The following SSH2 variants were observed in gnomAD, a reference collection of about 807,000 sequenced individuals.
The protein encoded by SSH2 is slingshot protein phosphatase 2.
Under a neutral mutation model 135.2 loss-of-function variants are expected in SSH2, and 37 were observed. The ratio of observed to expected loss-of-function variants is 0.27; its 90% CI spans 0.21 to 0.36. The LOEUF is 0.36. Ranked by LOEUF, SSH2 falls within the 10% of genes least tolerant of loss-of-function variation. The pLI, the probability that SSH2 is intolerant of heterozygous loss-of-function variation, is 1.00. For missense variants in SSH2, 1,408 were observed against 1,765.3 expected (o/e 0.80, Z 3.63); for synonymous variants, 628 against 646.2 (o/e 0.97, Z 0.43).
intron 11 of SSH2, among the ~76,000 whole-genome samples, chr17:29,656,963 C>T (rs1457012281): frequency 6.6e-6 from 1 of 152,150 alleles, no homozygotes; most frequent in Non-Finnish European, 1.5e-5. Flanking sequence ...GTTGTCATGT[C>T]TCTATCCTCT....
chr17:29,632,545 G>C lies in SSH2; in HGVS notation c.2649C>G (p.His883Gln), dbSNP rs751132026. The change falls in exon 16 of 16, where the codon CAC becomes CAG. Residue 883 changes from histidine (H) to glutamine (Q), a missense_variant. His to Gln is a conservative substitution (Grantham distance 24). Around this residue, in one of 3 missense-constraint regions of SSH2, gnomAD observed 1,080 missense variants for 1,144.5 expected, o/e 0.94. Transcript: ENST00000540801. ...GEQELQGSGM[H>Q]PGAKWYPGSV... Reference sequence around the variant, plus strand: ...ACCCAGGGTACCACTTGGCACCTGGGTGCATCCCTGAGCCCTGGAGCTCTT... The same window carrying C: ...ACCCAGGGTACCACTTGGCACCTGGCTGCATCCCTGAGCCCTGGAGCTCTT... 50 of 1,614,188 alleles carry C rather than the reference G, an allele frequency of 3.1e-5. No homozygotes were observed. The East Asian group carries it at 1.1e-3, about 36-fold the overall frequency.
At chr17:29,828,585 A>T (rs1225494159) in intron 2 of SSH2, among the ~76,000 whole-genome samples, 1 of 152,224 alleles carries the variant, frequency 6.6e-6, no homozygotes, top group Non-Finnish European at 1.5e-5. Flanking sequence ...TTCCTTAGAA[A>T]ATATTAAATC....
rs1267509943 is a variant in SSH2 at position 29,812,161 on chromosome 17, C to CA, written c.145-18225_145-18224insT. ...CTGATACCTGGCCATAGTATGTGTT[C>CA]TTTTTTTTTTTTTTTTTAAGTCTTA... On this transcript the variant is annotated intron_variant, in intron 2 of 15. Coordinates refer to ENST00000540801, the MANE Select transcript of SSH2 (RefSeq NM_001282129.2). Among the ~76,000 whole-genome samples, 142 of 121,612 alleles carry CA rather than the reference C, an allele frequency of 1.2e-3. 1 individual carries two copies. The highest frequency in any genetic ancestry group is 4.7e-4 in the Non-Finnish European group (26 of 55,806). The allele number at this position is 121,612 out of a possible 152,430, so 79.8% of individuals were successfully genotyped here. A position where few individuals can be genotyped will look rare whatever the true frequency, so the allele number is the denominator to read the frequency against.
At chr17:29,694,240 C>T (rs574983960) in intron 5 of SSH2, among the ~76,000 whole-genome samples, 6 of 152,050 alleles carry the variant, frequency 3.9e-5, no homozygotes, top group Admixed American at 2.0e-4. Context: ...AAGTAAGCCA[C>T]GTGAATATTG....
intron 1 of SSH2, among the ~76,000 whole-genome samples, chr17:29,882,013 G>C (rs1250830622): frequency 6.6e-6 from 1 of 152,166 alleles, no homozygotes; most frequent in Non-Finnish European, 1.5e-5. Flanking sequence ...AGATGTACAG[G>C]AAGTCATTTG....
intron 3 of SSH2, among the ~76,000 whole-genome samples, chr17:29,744,864 T>TGTGTGTGA (rs754333797): frequency 4.4e-5 from 5 of 112,486 alleles, no homozygotes; most frequent in African/African-American, 1.8e-4. Context: ...TACTTGAGTG[T>TGTGTGTGA]GTGTGTGTGT....
At chr17:29,677,551 C>T (rs771894772) in intron 7 of SSH2, 122 bp downstream of exon 7, 1 of 783,332 alleles carries the variant, frequency 1.3e-6, no homozygotes, top group South Asian at 1.5e-5. Context: ...AGGACTCATT[C>T]AGCTGTTGAC....
chr17:29,745,365 G>GAACCACCAT (rs1363465055), intron 3 of SSH2, among the ~76,000 whole-genome samples: 1 of 151,980 alleles, frequency 6.6e-6, no homozygotes, highest in Non-Finnish European at 1.5e-5. Flanking sequence ...TCACCATGTT[G>GAACCACCAT]GCCAGGCTGG....
intron 11 of SSH2, among the ~76,000 whole-genome samples, chr17:29,657,390 C>T (rs905785216): frequency 2.6e-5 from 4 of 151,958 alleles, no homozygotes; most frequent in Non-Finnish European, 2.9e-5. Flanking sequence ...CTGCCTCAGC[C>T]ACCCGAGTAG....
At position 29,631,737 on chromosome 17, in the gene SSH2, A is replaced by G; in HGVS notation, c.3457T>C (p.Ser1153Pro). ...PFVSHTTHLL[S>P]ASLDYLHPQT... ...GGATGCAGGTAATCCAAACTGGCAG[A>G]CAGTAAATGGGTTGTATGACTGACA... Residue 1153 changes from serine (S) to proline (P), a missense_variant, in exon 16 of 16, where the codon TCT (serine) becomes CCT (proline). Ser to Pro is a moderately conservative substitution (Grantham distance 74, BLOSUM62 -1). This residue lies in a region of SSH2 where 1,080 missense variants were observed against 1,144.5 expected (regional missense o/e 0.94). Coordinates refer to ENST00000540801, the MANE Select transcript of SSH2 (RefSeq NM_001282129.2). 6.2e-7 allele frequency: 1 copy of G among 1,614,186 alleles called. No homozygotes were observed. The highest frequency in any genetic ancestry group is 8.5e-7 in the Non-Finnish European group (1 of 1,180,042).
Position 29,777,219 on chromosome 17 carries a change from C to CA in SSH2, c.188+16674dup, listed in dbSNP as rs34359278. ...AGAGTAAAAGAGCCAGACTCCATCTCAAAAAAAAAAAAAAAATTTTAAATT... is the reference window on the plus strand; with the variant it reads ...AGAGTAAAAGAGCCAGACTCCATCTCAAAAAAAAAAAAAAAAATTTTAAATT... On this transcript the variant is annotated intron_variant, in intron 3 of 15. Transcript: ENST00000540801. Among the ~76,000 whole-genome samples the CA allele has an allele frequency of 1.0e-2, 1,062 of 106,332 alleles. 7 individuals carry two copies. Among genetic ancestry groups the CA allele is most frequent in the African/African-American group, 0.028 (800 of 28,304 alleles). 69.8% of individuals were successfully genotyped at this position (106,332 alleles called of 152,430 possible). A position where few individuals can be genotyped will look rare whatever the true frequency, so the allele number is the denominator to read the frequency against.
intron 11 of SSH2, among the ~76,000 whole-genome samples, chr17:29,662,731 AG>A (rs2037101806): frequency 6.6e-6 from 1 of 152,180 alleles, no homozygotes; most frequent in Non-Finnish European, 1.5e-5. Flanking sequence ...TTCATCACCC[AG>A]GTATTAAGCC....
intron 4 of SSH2, among the ~76,000 whole-genome samples, chr17:29,695,811 G>A (rs891479362): frequency 3.3e-5 from 5 of 152,162 alleles, no homozygotes; most frequent in African/African-American, 1.2e-4. Flanking sequence ...GGATGTTCAT[G>A]AGAGACTTGT....
chr17:29,672,384 C>A (rs2037530304), intron 8 of SSH2, among the ~76,000 whole-genome samples: 1 of 152,040 alleles, frequency 6.6e-6, no homozygotes, highest in Non-Finnish European at 1.5e-5. Flanking sequence ...TGACAACTCA[C>A]CAGTGAAAAA....
At chr17:29,700,955 A>C (rs918680120) in intron 4 of SSH2, among the ~76,000 whole-genome samples, 1 of 150,148 alleles carries the variant, frequency 6.7e-6, no homozygotes, top group Non-Finnish European at 1.5e-5. Flanking sequence ...ATGCCTGCTA[A>C]TTTTTGTATT....
Position 29,693,472 on chromosome 17 carries a change from TG to T in SSH2, c.357+1986del, listed in dbSNP as rs1319128420. ...GACTACAGGTGTGTGCCAACACACC[TG>T]GCTAATTTTTGTATTTTTAGTAGAG... is the stretch of plus-strand genomic sequence containing the variant. On this transcript the variant is annotated intron_variant, in intron 5 of 15. Transcript: ENST00000540801. 2.6e-5 allele frequency among the ~76,000 whole-genome samples: 4 copies of T among 151,538 alleles called. No homozygotes were observed. In the South Asian group the frequency reaches 6.3e-4, roughly 24 times the overall value.
At chr17:29,888,158 A>G (rs1599145440) in intron 1 of SSH2, among the ~76,000 whole-genome samples, 1 of 152,278 alleles carries the variant, frequency 6.6e-6, no homozygotes. Flanking sequence ...GAATTACTTG[A>G]GCCCAGAAGG....
intron 2 of SSH2, among the ~76,000 whole-genome samples, chr17:29,805,759 G>C (rs1304910599): frequency 6.6e-6 from 1 of 151,796 alleles, no homozygotes; most frequent in Non-Finnish European, 1.5e-5. Flanking sequence ...TAAAGGTTTG[G>C]AGAAACAACA....
chr17:29,677,503 T>C (rs1054029967), intron 7 of SSH2, among the ~76,000 whole-genome samples, 170 bp downstream of exon 7: 1 of 152,158 alleles, frequency 6.6e-6, no homozygotes, highest in African/African-American at 2.4e-5. Flanking sequence ...CCCTGGCAAG[T>C]TGTATTTTTA....
Sources: allele counts gnomAD v4.1 joint callset (sites outside exome capture counted in the v4.1 genomes callset), GRCh38; gene constraint gnomAD v4.1.1; regional missense constraint gnomAD v4.1.1; transcripts MANE v1.5; gene names NCBI Gene and HGNC (gene_info 2026-07-23, HGNC 2026-07-21).